Variants in TPST2 observed in about 807,000 individuals in gnomAD.
The protein encoded by TPST2 is tyrosylprotein sulfotransferase 2, also known as protein-tyrosine sulfotransferase 2.
Under a neutral mutation model 27.8 loss-of-function variants are expected in TPST2, and 16 were observed. The observed-to-expected ratio is 0.58, with a 90% CI of 0.39 to 0.88. The LOEUF (loss-of-function observed/expected upper bound fraction) is 0.88, where lower values mean the gene tolerates loss of function less well. Ranked by LOEUF, TPST2 falls within the 40% of genes least tolerant of loss-of-function variation. TPST2 has a pLI of 0.00. For missense variants in TPST2, 464 were observed against 543.1 expected, an observed-to-expected ratio of 0.85 and a Z score of 1.45; for synonymous variants, 229 against 231.7, an observed-to-expected ratio of 0.99 and a Z score of 0.10.
At chr22:26,539,032 T>A (rs1925645454) in intron 3 of TPST2, among the ~76,000 whole-genome samples, 1 of 152,262 alleles carries the variant, frequency 6.6e-6, no homozygotes, top group Admixed American at 6.5e-5. Context: ...CTTTGGTGTA[T>A]CTTTTCTAAT....
At chr22:26,545,416 A>T (rs1926065641) in intron 1 of TPST2, among the ~76,000 whole-genome samples, 1 of 152,238 alleles carries the variant, frequency 6.6e-6, no homozygotes, top group African/African-American at 2.4e-5. Context: ...GAGTCCTGGC[A>T]TGTAGCCAGA....
chr22:26,569,759 G>A (rs1927526804), intron 1 of TPST2, among the ~76,000 whole-genome samples: 1 of 151,990 alleles, frequency 6.6e-6, no homozygotes, highest in Non-Finnish European at 1.5e-5. Context: ...AGACCAGCCT[G>A]GCCAACATGG....
intron 1 of TPST2, among the ~76,000 whole-genome samples, chr22:26,546,790 A>C (rs1926149996): frequency 6.6e-6 from 1 of 152,226 alleles, no homozygotes; most frequent in Non-Finnish European, 1.5e-5. Flanking sequence ...GGGGTAGGCC[A>C]ATGATGGCCC....
rs573867409 is a variant in TPST2, at chr22:26,568,645, G to T, written c.-161+21408C>A. Among the ~76,000 whole-genome samples, 29 of 152,298 alleles carry T rather than the reference G, an allele frequency of 1.9e-4. No individual in the cohort carries two copies. In the South Asian group the frequency reaches 5.0e-3, roughly 26 times the overall value. ...CGCCATGACGTTTACAAATGCCATA[G>T]CAATGCCAGAAGTTACCCTATATGG... On this transcript the variant is annotated intron_variant, in intron 1 of 6. Coordinates refer to ENST00000338754, the MANE Select transcript of TPST2 (RefSeq NM_003595.5).
intron 1 of TPST2, among the ~76,000 whole-genome samples, chr22:26,563,258 A>G (rs1222699400): frequency 6.6e-6 from 1 of 152,068 alleles, no homozygotes; most frequent in East Asian, 1.9e-4. Flanking sequence ...TCCAGAGGGC[A>G]CTGATATCCT....
intron 1 of TPST2, among the ~76,000 whole-genome samples, chr22:26,568,989 G>A (rs1336875646): frequency 1.3e-5 from 2 of 149,324 alleles, no homozygotes; most frequent in Non-Finnish European, 3.0e-5. Context: ...TCAGCCTCCC[G>A]AGTAGCTGGG....
At chr22:26,552,008 G>T (rs936394801) in intron 1 of TPST2, among the ~76,000 whole-genome samples, 1 of 147,898 alleles carries the variant, frequency 6.8e-6, no homozygotes, top group Non-Finnish European at 1.5e-5. Context: ...TCCCATCTCA[G>T]CCTCCCAAGT....
At chr22:26,572,566 C>T (rs146577523) in intron 1 of TPST2, among the ~76,000 whole-genome samples, 176 of 152,268 alleles carry the variant, frequency 1.2e-3, no homozygotes, top group African/African-American at 4.0e-3. Context: ...CCCACCTTAT[C>T]TTGGGCTGCT....
intron 1 of TPST2, among the ~76,000 whole-genome samples, chr22:26,559,913 C>T (rs2147217015): frequency 6.6e-6 from 1 of 152,164 alleles, no homozygotes; most frequent in South Asian, 2.1e-4. Flanking sequence ...TTCTAGGAGC[C>T]TCTGAGGAAA....
chr22:26,587,529 C>T (rs1307088573), intron 1 of TPST2, among the ~76,000 whole-genome samples: 2 of 152,050 alleles, frequency 1.3e-5, no homozygotes, highest in African/African-American at 2.4e-5. Flanking sequence ...TTAGTAGAGA[C>T]GGGGTTTCAC....
chr22:26,573,721 G>A (rs1008901727), intron 1 of TPST2, among the ~76,000 whole-genome samples: 1 of 152,146 alleles, frequency 6.6e-6, no homozygotes, highest in Non-Finnish European at 1.5e-5. Context: ...GAAGCATGAG[G>A]CCTTCGTCCT....
chr22:26,527,414 T>C lies in TPST2; in HGVS notation c.*7+800A>G, dbSNP rs545979922. Among the ~76,000 whole-genome samples, 37 of 152,278 alleles carry C rather than the reference T, an allele frequency of 2.4e-4. 1 individual carries two copies. The highest frequency in any genetic ancestry group is 3.4e-3 in the Middle Eastern group (1 of 294). On this transcript the variant is annotated intron_variant, in intron 6 of 6. Transcript: ENST00000338754. ...CTCCCACCTGGGCCAGCTCACGCCATCTCATGGCCAACCTCAGAGGTGGGC... is the reference window on the plus strand; with the variant it reads ...CTCCCACCTGGGCCAGCTCACGCCACCTCATGGCCAACCTCAGAGGTGGGC...
chr22:26,541,676 G>C lies in TPST2; in HGVS notation c.-46C>G. The C allele has an allele frequency of 6.6e-7, 1 of 1,507,148 alleles. No individual in the cohort carries two copies. Among genetic ancestry groups the C allele is most frequent in the Non-Finnish European group, 8.8e-7 (1 of 1,134,882 alleles). The allele number at this position is 1,507,148 out of a possible 1,614,324, so 93.4% of individuals were successfully genotyped here. A position where few individuals can be genotyped will look rare whatever the true frequency, so the allele number is the denominator to read the frequency against. On this transcript the variant is annotated 5_prime_UTR_variant, in exon 3 of 7. Transcript: ENST00000338754. The surrounding 1 kb of genome is among the most constrained non-coding windows in gnomAD (Gnocchi z 5.9). ...GGCCTGGCCTGAGGGCCCGCTTCTG[G>C]GGCTTCAGCGACAGGTTAGCGGGCA...
chr22:26,535,135 T>C lies in TPST2; in HGVS notation c.1041+1153A>G, dbSNP rs373325602. Among the ~76,000 whole-genome samples the C allele has an allele frequency of 9.2e-5, 14 of 152,348 alleles. No individual in the cohort carries two copies. The East Asian group carries it at 2.7e-3, about 29-fold the overall frequency. The stretch of plus-strand genomic sequence containing the variant: ...AGTGCTAGAGAGGTGGTAATGACTT[T>C]TTAGCACCAAATGGAAACTTTCTTC... On this transcript the variant is annotated intron_variant, in intron 4 of 6. Transcript: ENST00000338754.
intron 1 of TPST2, among the ~76,000 whole-genome samples, chr22:26,564,504 A>G (rs2283835): frequency 0.22 from 33,821 of 151,990 alleles, 4,080 homozygotes; most frequent in South Asian, 0.35. Context: ...AAAGTGCTCC[A>G]GGGCCAAGAA....
intron 3 of TPST2, 32 bp from the exon 4 acceptor site, chr22:26,536,518 G>A: frequency 6.8e-7 from 1 of 1,472,722 alleles, no homozygotes; most frequent in African/African-American, 1.4e-5. Context: ...GAGAGGGTAG[G>A]GCAGACCCAG....
At chr22:26,553,927 C>T (rs1239928864) in intron 1 of TPST2, among the ~76,000 whole-genome samples, 1 of 152,116 alleles carries the variant, frequency 6.6e-6, no homozygotes, top group African/African-American at 2.4e-5. Flanking sequence ...CAGATGCAAC[C>T]ACCCATTTTT....
intron 1 of TPST2, among the ~76,000 whole-genome samples, chr22:26,581,804 AAAG>A (rs2145938699): frequency 6.6e-6 from 1 of 152,332 alleles, no homozygotes; most frequent in South Asian, 2.1e-4. Flanking sequence ...TAGGGACTCA[AAAG>A]ATGATTAGAA....
intron 1 of TPST2, among the ~76,000 whole-genome samples, chr22:26,573,568 T>A (rs1415224241): frequency 1.3e-5 from 2 of 152,222 alleles, no homozygotes; most frequent in African/African-American, 2.4e-5. Flanking sequence ...TTTCCACTTC[T>A]TTGTTGTGGA....
Sources: allele counts gnomAD v4.1 joint callset (sites outside exome capture counted in the v4.1 genomes callset), GRCh38; gene constraint gnomAD v4.1.1; non-coding constraint Gnocchi (gnomAD v3.1); transcripts MANE v1.5; gene names NCBI Gene and HGNC (gene_info 2026-07-23, HGNC 2026-07-21).